The following CADM2 variants were observed in gnomAD, a reference collection of about 807,000 sequenced individuals.
CADM2 encodes the protein immunoglobulin superfamily member 4D.
A neutral mutation model predicts 49.8 loss-of-function variants in CADM2; 12 were observed. That is an observed-to-expected ratio of 0.24 (90% CI 0.15 to 0.39). The LOEUF (loss-of-function observed/expected upper bound fraction) is 0.39, where lower values mean the gene tolerates loss of function less well. Ranked by LOEUF, CADM2 falls within the 10% of genes least tolerant of loss-of-function variation. CADM2 has a pLI of 1.00. For missense variants in CADM2, 378 were observed against 492.3 expected (o/e 0.77, Z 2.20); for synonymous variants, 214 against 175.4 (o/e 1.22, Z -1.74).
chr3:85,645,227 T>A (rs1464672639), intron 1 of CADM2, among the ~76,000 whole-genome samples: 2 of 152,056 alleles, frequency 1.3e-5, no homozygotes, highest in African/African-American at 4.8e-5. Flanking sequence ...CCCCATATCA[T>A]TTAGTTGTAG....
chr3:85,562,961 A>G (rs1296583255), intron 1 of CADM2, among the ~76,000 whole-genome samples: 1 of 152,200 alleles, frequency 6.6e-6, no homozygotes, highest in Admixed American at 6.5e-5. Flanking sequence ...ACATTTTTAA[A>G]TAAGTTTTCT....
At chr3:85,982,211 T>C (rs1023341450) in intron 8 of CADM2, among the ~76,000 whole-genome samples, 43 of 151,702 alleles carry the variant, frequency 2.8e-4, no homozygotes, top group African/African-American at 1.0e-3. Flanking sequence ...TGGTTTACTC[T>C]TTCTGGTAAA....
Position 86,065,728 on chromosome 3 carries a change from A to T in CADM2, c.1094A>T (p.Lys365Ile). Residue 365 changes from lysine to isoleucine, a missense_variant and splice_region_variant, in exon 9 of 10, where the codon AAA becomes ATA. Physicochemically the swap from Lys to Ile is moderately radical, Grantham distance 102. Coordinates refer to ENST00000383699, the MANE Select transcript of CADM2 (RefSeq NM_001167675.2). ...FLLGRYLARHKGTYLTNEAKG... is the reference protein window; with the variant it reads ...FLLGRYLARHIGTYLTNEAKG... ...CTTGGTCGATATCTGGCAAGGCATA[A>T]AGGTACGTTATATTTAGCCAGAGTA... 1 of 1,613,296 alleles carries T rather than the reference A, an allele frequency of 6.2e-7. No homozygotes were observed. The highest frequency in any genetic ancestry group is 8.5e-7 in the Non-Finnish European group (1 of 1,179,708).
At chr3:85,244,974 T>C (rs1398308360) in intron 1 of CADM2, among the ~76,000 whole-genome samples, 1 of 152,188 alleles carries the variant, frequency 6.6e-6, no homozygotes, top group Non-Finnish European at 1.5e-5. Context: ...TACAAAAGAC[T>C]AAAATGACAC....
chr3:84,986,670 G>A (rs1234862117), intron 1 of CADM2, among the ~76,000 whole-genome samples: 1 of 151,672 alleles, frequency 6.6e-6, no homozygotes, highest in African/African-American at 2.4e-5. Context: ...GAGTTAACGG[G>A]TGCAGCACAC....
chr3:85,159,354 G>T (rs1483490404), intron 1 of CADM2, among the ~76,000 whole-genome samples: 1 of 136,448 alleles, frequency 7.3e-6, no homozygotes, highest in African/African-American at 3.7e-5. Context: ...TCTTCCCCAG[G>T]AGTTCTGGGC....
At chr3:85,805,957 C>T (rs1377841370) in intron 3 of CADM2, among the ~76,000 whole-genome samples, 1 of 152,176 alleles carries the variant, frequency 6.6e-6, no homozygotes. Context: ...GCCGTAGCTA[C>T]ACAGTAAAAT....
At chr3:85,743,681 T>A (rs984938571) in intron 2 of CADM2, among the ~76,000 whole-genome samples, 1 of 152,100 alleles carries the variant, frequency 6.6e-6, no homozygotes, top group Non-Finnish European at 1.5e-5. Flanking sequence ...AAACCTGTCC[T>A]CACAAATCCA....
chr3:85,831,521 A>C (rs951847327), intron 3 of CADM2, among the ~76,000 whole-genome samples: 1 of 152,018 alleles, frequency 6.6e-6, no homozygotes, highest in African/African-American at 2.4e-5. Context: ...AATACTAACC[A>C]TTCTGAATGG....
rs541944017 is a variant in CADM2 at position 85,112,694 on chromosome 3, ATTC to A, written c.61+153031_61+153033del. Among the ~76,000 whole-genome samples the A allele has an allele frequency of 1.9e-3, 292 of 151,908 alleles. 2 individuals are homozygous for A. The highest frequency in any genetic ancestry group is 6.8e-3 in the African/African-American group (281 of 41,530). ...CTCTACTCTTGAGGATTCAGGGTGA[ATTC>A]TTCTATAAAATAACAGTAATATTAG... On this transcript the variant is annotated intron_variant, in intron 1 of 9. Coordinates refer to ENST00000383699, the MANE Select transcript of CADM2 (RefSeq NM_001167675.2).
At chr3:85,218,753 G>A (rs1022168309) in intron 1 of CADM2, among the ~76,000 whole-genome samples, 10 of 152,110 alleles carry the variant, frequency 6.6e-5, no homozygotes, top group African/African-American at 1.9e-4. Flanking sequence ...CCGAGATTAC[G>A]CCCACTGCAC....
intron 1 of CADM2, among the ~76,000 whole-genome samples, chr3:85,634,441 G>T (rs2064399837): frequency 6.6e-6 from 1 of 151,928 alleles, no homozygotes; most frequent in East Asian, 1.9e-4. Context: ...CCTTGTAAAA[G>T]AAGTATATAT....
chr3:85,197,148 G>T (rs1354242183), intron 1 of CADM2, among the ~76,000 whole-genome samples: 1 of 151,692 alleles, frequency 6.6e-6, no homozygotes, highest in Non-Finnish European at 1.5e-5. Flanking sequence ...CAAATGTATT[G>T]TGCCTATTTT....
At chr3:85,856,371 C>G (rs1688309622) in intron 3 of CADM2, among the ~76,000 whole-genome samples, 1 of 152,108 alleles carries the variant, frequency 6.6e-6, no homozygotes, top group Non-Finnish European at 1.5e-5. Context: ...GTACTCTGTA[C>G]TTTTTCATAA....
chr3:85,425,840 C>A (rs1200268337), intron 1 of CADM2, among the ~76,000 whole-genome samples: 2 of 152,116 alleles, frequency 1.3e-5, no homozygotes, highest in Non-Finnish European at 2.9e-5. Flanking sequence ...TGGGAGCCCA[C>A]CATATTTATT....
intron 2 of CADM2, among the ~76,000 whole-genome samples, chr3:85,728,316 C>G (rs531093359): frequency 1.3e-5 from 2 of 152,242 alleles, no homozygotes; most frequent in East Asian, 3.9e-4. Context: ...TACTTGTATA[C>G]TAGCCTGTAG....
chr3:85,172,627 A>G (rs1236467269), intron 1 of CADM2, among the ~76,000 whole-genome samples: 2 of 151,926 alleles, frequency 1.3e-5, no homozygotes, highest in African/African-American at 4.8e-5. Context: ...CTAACTTGTG[A>G]GAGTCTTTGA....
rs149516906 is a variant in CADM2 at position 85,809,285 on chromosome 3, G to A, written c.238+7089G>A. Among the ~76,000 whole-genome samples the A allele has an allele frequency of 1.5e-3, 226 of 152,216 alleles. 1 individual carries two copies. The highest frequency in any genetic ancestry group is 5.2e-3 in the African/African-American group (217 of 41,562). On this transcript the variant is annotated intron_variant, in intron 3 of 9. Coordinates refer to ENST00000383699, the MANE Select transcript of CADM2 (RefSeq NM_001167675.2). ...AATAACTTGAGTAGTAAATGACAAA[G>A]CAATGAAGAGACTTGAGTTTTCTGG...
At chr3:85,601,154 A>G (rs879479017) in intron 1 of CADM2, among the ~76,000 whole-genome samples, 25,948 of 117,468 alleles carry the variant, frequency 0.22, 3,626 homozygotes, top group East Asian at 0.33. Flanking sequence ...ATATATATAT[A>G]TATATATATA....
Sources: allele counts gnomAD v4.1 joint callset (sites outside exome capture counted in the v4.1 genomes callset), GRCh38; gene constraint gnomAD v4.1.1; transcripts MANE v1.5; gene names NCBI Gene and HGNC (gene_info 2026-07-23, HGNC 2026-07-21).